Variants in GSTM3 observed in about 807,000 individuals in gnomAD.
GSTM3 encodes the protein glutathione S-transferase mu 3, also known as GST class-mu 3.
GSTM3 carries 34 observed loss-of-function variants against 36.1 expected under a neutral mutation model. That is an observed-to-expected ratio of 0.94 (90% CI 0.72 to 1.25). The LOEUF is 1.25. Among genes scored for constraint, GSTM3 ranks in the 50% most tolerant of loss-of-function variants. The probability of loss-of-function intolerance (pLI) is 0.00; values close to 1 mark genes in which losing one functional copy is unlikely to be tolerated. For synonymous variants in GSTM3, 102 were observed against 99.5 expected (o/e 1.03, Z -0.15); for missense variants, 266 against 281.6 (o/e 0.94, Z 0.40).
In GSTM3 at chr1:109,734,194, G is replaced by A. The variant is rs913002592; in HGVS notation, c.*2877C>T. On this transcript the variant is annotated 3_prime_UTR_variant, in exon 9 of 9. Coordinates refer to ENST00000361066, the MANE Select transcript of GSTM3 (RefSeq NM_000849.5). ...TGAGTGCCTAAGCAAAACCCATGGGGGTGCTAAAACCACAATGCTAATGTC... is the reference window on the plus strand; with the variant it reads ...TGAGTGCCTAAGCAAAACCCATGGGAGTGCTAAAACCACAATGCTAATGTC... 2.0e-5 allele frequency: 3 copies of A among 152,156 alleles called. No homozygotes were observed. Among genetic ancestry groups the A allele is most frequent in the African/African-American group, 4.8e-5 (2 of 41,430 alleles). The allele number at this position is 152,156 out of a possible 1,614,324, so 9.4% of individuals were successfully genotyped here.
intron 8 of GSTM3, 86 bp downstream of exon 8, chr1:109,737,370 CG>C: frequency 1.1e-6 from 1 of 947,910 alleles, no homozygotes; most frequent in Non-Finnish European, 1.7e-6. Flanking sequence ...AGGCAAAAGC[CG>C]GGGAAGAATC....
intron 2 of GSTM3, 76 bp from the exon 3 acceptor site, chr1:109,739,984 C>T (rs1411411586): frequency 7.3e-6 from 9 of 1,237,424 alleles, no homozygotes; most frequent in African/African-American, 3.0e-5. Flanking sequence ...TTCCCCGGCC[C>T]GGGGCTGCCG....
At position 109,737,496 on chromosome 1, in the gene GSTM3, A is replaced by T. The variant is rs555578157; in HGVS notation, c.540T>A (p.Asp180Glu). The change falls in exon 8 of 9, where the codon GAT becomes GAA. Residue 180 changes from aspartate to glutamate, a missense_variant. By Grantham distance (45) the Asp-to-Glu change is conservative. Coordinates refer to ENST00000361066, the MANE Select transcript of GSTM3 (RefSeq NM_000849.5). ...QNRIFDPKCLDEFPNLKAFMC... is the reference protein window; with the variant it reads ...QNRIFDPKCLEEFPNLKAFMC... ...TGAAAGCCTTCAGGTTTGGGAACTC[A>T]TCCAGGCACTTGGGGTCAAATATAC... 8.7e-6 allele frequency: 14 copies of T among 1,613,384 alleles called. No individual in the cohort carries two copies. Among genetic ancestry groups the T allele is most frequent in the Middle Eastern group, 3.3e-4 (2 of 6,060 alleles).
intron 2 of GSTM3, 37 bp downstream of exon 2, chr1:109,740,203 T>C (rs1364939113): frequency 6.3e-7 from 1 of 1,595,148 alleles, no homozygotes; most frequent in East Asian, 2.2e-5. Context: ...CGTCAGTCTC[T>C]TTGACCGAGC....
In GSTM3 at chr1:109,739,308, T is replaced by G; in HGVS notation, c.189+121A>C. ...CAGTTCAAGGACCCCTGAATTCTAT[T>G]TATTCTATCCGGGTTAAGATCCCCT... is the stretch of plus-strand genomic sequence containing the variant. On this transcript the variant is annotated intron_variant, in intron 4 of 8. Transcript: ENST00000361066. 5.0e-6 allele frequency: 3 copies of G among 600,232 alleles called. No individual in the cohort carries two copies. The East Asian group carries it at 7.6e-5, about 15-fold the overall frequency. The allele number at this position is 600,232 out of a possible 1,614,324, so 37.2% of individuals were successfully genotyped here.
chr1:109,739,634 T>C (rs1216076682), intron 3 of GSTM3, 141 bp from the exon 4 acceptor site: 6 of 759,056 alleles, frequency 7.9e-6, no homozygotes, highest in East Asian at 2.5e-5. Context: ...CTGAGCCCTA[T>C]TTGGTTAAGC....
At chr1:109,737,603 A>G in intron 7 of GSTM3, 36 bp from the exon 8 acceptor site, 1 of 1,531,374 alleles carries the variant, frequency 6.5e-7, no homozygotes, top group Non-Finnish European at 9.0e-7. Flanking sequence ...AGGTCTGAGG[A>G]GTAGTAGCCT....
rs1229290289 is a variant in GSTM3 at position 109,739,890 on chromosome 1, G to A, written c.67C>T (p.Leu23=). ...GAGGTATCCGTGAACTCCAGGAGCA[G>A]GCGGATGGCGTGCGCCAGCTGGGGA... ...DIRGLAHAIR[L]LLEFTDTSYE... Residue 23 remains leucine (L), a synonymous_variant, in exon 3 of 9, where the codon CTG becomes TTG. Coordinates refer to ENST00000361066, the MANE Select transcript of GSTM3 (RefSeq NM_000849.5). The A allele has an allele frequency of 1.9e-6, 3 of 1,555,156 alleles. No homozygotes were observed. The highest frequency in any genetic ancestry group is 1.9e-5 in the Admixed American group (1 of 51,870).
In GSTM3 at chr1:109,740,235, C is replaced by G; in HGVS notation, c.48+5G>C. 1 of 1,612,840 alleles carries G rather than the reference C, an allele frequency of 6.2e-7. No homozygotes were observed. The highest frequency in any genetic ancestry group is 8.5e-7 in the Non-Finnish European group (1 of 1,179,046). Reference sequence around the variant, plus strand: ...GAGCGGCTCTACCGTTGAGACGGCACTCACCCCACGAATATCCCAGTACCC... The same window carrying G: ...GAGCGGCTCTACCGTTGAGACGGCAGTCACCCCACGAATATCCCAGTACCC... On this transcript the variant is annotated splice_donor_5th_base_variant and intron_variant, in intron 2 of 8. Coordinates refer to ENST00000361066, the MANE Select transcript of GSTM3 (RefSeq NM_000849.5).
rs373084793 is a variant in GSTM3, at chr1:109,740,332, G to C, written c.-45C>G. The stretch of plus-strand genomic sequence containing the variant: ...TTCGAGGACTAGGGAAACTGTGAGC[G>C]GGAGGGGCTTTATACCCGACATAAG... On this transcript the variant is annotated 5_prime_UTR_variant, in exon 2 of 9. Coordinates refer to ENST00000361066, the MANE Select transcript of GSTM3 (RefSeq NM_000849.5). 5 of 1,581,584 alleles carry C rather than the reference G, an allele frequency of 3.2e-6. No individual in the cohort carries two copies. The highest frequency in any genetic ancestry group is 4.3e-6 in the Non-Finnish European group (5 of 1,152,962).
chr1:109,740,146 G>T, intron 2 of GSTM3, 94 bp downstream of exon 2: 2 of 1,174,120 alleles, frequency 1.7e-6, no homozygotes, highest in Admixed American at 2.0e-5. Flanking sequence ...CTCCCGCGTA[G>T]AGCTGCTCCT....
chr1:109,739,578 C>A, intron 3 of GSTM3, 85 bp from the exon 4 acceptor site: 1 of 1,009,082 alleles, frequency 9.9e-7, no homozygotes, highest in South Asian at 1.4e-5. Flanking sequence ...TGACTTGGTC[C>A]CAATACCTCA....
rs1219270310 is a variant in GSTM3 at position 109,735,757 on chromosome 1, C to T, written c.*1314G>A. The T allele has an allele frequency of 6.6e-6, 1 of 151,148 alleles. No individual in the cohort carries two copies. Among genetic ancestry groups the T allele is most frequent in the Non-Finnish European group, 1.5e-5 (1 of 68,008 alleles). 9.4% of individuals were successfully genotyped at this position (151,148 alleles called of 1,614,324 possible). A position where few individuals can be genotyped will look rare whatever the true frequency, so the allele number is the denominator to read the frequency against. ...TCCCAGGTTCAAGCAATTCTCCTGC[C>T]TCAGCCTCCTGAGTAGCTGGGACTA... is the stretch of plus-strand genomic sequence containing the variant. On this transcript the variant is annotated 3_prime_UTR_variant, in exon 9 of 9. Transcript: ENST00000361066.
At chr1:109,738,607 A>C (rs999067449) in intron 4 of GSTM3, among the ~76,000 whole-genome samples, 9 of 152,220 alleles carry the variant, frequency 5.9e-5, no homozygotes, top group African/African-American at 2.2e-4. Flanking sequence ...TCTCAGAATA[A>C]AGTTGTTAAA....
rs1012719831 is a variant in GSTM3 at position 109,735,489 on chromosome 1, T to C, written c.*1582A>G. The C allele has an allele frequency of 2.0e-5, 3 of 152,190 alleles. No homozygotes were observed. Among genetic ancestry groups the C allele is most frequent in the African/African-American group, 4.8e-5 (2 of 41,434 alleles). 9.4% of individuals were successfully genotyped at this position (152,190 alleles called of 1,614,324 possible). A position where few individuals can be genotyped will look rare whatever the true frequency, so the allele number is the denominator to read the frequency against. ...CACACCTGGCCTGTTTTGGGGATCT[T>C]TGCATGTTAGTTCACACAGTTCAGT... is the stretch of plus-strand genomic sequence containing the variant. On this transcript the variant is annotated 3_prime_UTR_variant, in exon 9 of 9. Transcript: ENST00000361066.
intron 2 of GSTM3, 146 bp from the exon 3 acceptor site, chr1:109,740,054 T>C: frequency 1.1e-6 from 1 of 872,854 alleles, no homozygotes. Context: ...TCCGGCGTGG[T>C]CTCCTCCGCC....
chr1:109,739,523 A>G, intron 3 of GSTM3, 30 bp from the exon 4 acceptor site: 5 of 1,538,544 alleles, frequency 3.2e-6, no homozygotes, highest in Non-Finnish European at 4.5e-6. Context: ...GTGGGACCCA[A>G]CCTCCTTAAT....
At position 109,739,414 on chromosome 1, in the gene GSTM3, AC is replaced by A; in HGVS notation, c.189+14del. 3 of 1,598,788 alleles carry A rather than the reference AC, an allele frequency of 1.9e-6. No individual in the cohort carries two copies. The highest frequency in any genetic ancestry group is 2.6e-6 in the Non-Finnish European group (3 of 1,166,696). On this transcript the variant is annotated intron_variant, in intron 4 of 8. Coordinates refer to ENST00000361066, the MANE Select transcript of GSTM3 (RefSeq NM_000849.5). Reference sequence around the variant, plus strand: ...GCTTTCCCTTCTGCCCGCCACCTCTACTAAAGCCACTTACATTAGGAAAGTC... The same window carrying A: ...GCTTTCCCTTCTGCCCGCCACCTCTATAAAGCCACTTACATTAGGAAAGTC...
chr1:109,735,493 A>C lies in GSTM3; in HGVS notation c.*1578T>G, dbSNP rs1486366405. The C allele has an allele frequency of 2.0e-5, 3 of 152,122 alleles. No individual in the cohort carries two copies. Among genetic ancestry groups the C allele is most frequent in the African/African-American group, 7.2e-5 (3 of 41,410 alleles). The allele number at this position is 152,122 out of a possible 1,614,324, so 9.4% of individuals were successfully genotyped here. On this transcript the variant is annotated 3_prime_UTR_variant, in exon 9 of 9. Transcript: ENST00000361066. ...CCTGGCCTGTTTTGGGGATCTTTGC[A>C]TGTTAGTTCACACAGTTCAGTCTCA...
Sources: gnomAD v4.1 joint callset for allele counts (sites outside exome capture counted in the v4.1 genomes callset) on GRCh38, gnomAD v4.1.1 for gene constraint, MANE v1.5 for transcripts, NCBI Gene and HGNC (gene_info 2026-07-23, HGNC 2026-07-21) for gene names.